GRAMD4: variants seen among roughly 807,000 people sequenced by gnomAD.
The protein encoded by GRAMD4 is GRAM domain-containing protein 4.
Under a neutral mutation model 83.9 loss-of-function variants are expected in GRAMD4, and 25 were observed. The observed-to-expected ratio is 0.30, with a 90% CI of 0.22 to 0.42. The LOEUF is 0.42. GRAMD4 is among the 10% of genes least tolerant of loss of function. The pLI, the probability that GRAMD4 is intolerant of heterozygous loss-of-function variation, is 1.00. For missense variants in GRAMD4, 593 were observed against 788.7 expected, an observed-to-expected ratio of 0.75 and a Z score of 2.97; for synonymous variants, 336 against 320.9, an observed-to-expected ratio of 1.05 and a Z score of -0.50.
Position 46,626,882 on chromosome 22 carries a change from C to G in GRAMD4, c.83C>G (p.Ser28Trp). The G allele has an allele frequency of 6.2e-7, 1 of 1,614,128 alleles. No individual in the cohort carries two copies. The highest frequency in any genetic ancestry group is 1.1e-5 in the South Asian group (1 of 91,084). ...GATCTAGCGGAGTCTCCAAATGCCT[C>G]GGACACCGAATGCAGCGACGAAATC... is the stretch of plus-strand genomic sequence containing the variant. Reference protein sequence around the residue: ...FLDLAESPNASDTECSDEIPL... With the variant: ...FLDLAESPNAWDTECSDEIPL... Residue 28 changes from serine (S) to tryptophan (W), a missense_variant, in exon 2 of 19, where the codon TCG becomes TGG. Ser to Trp is a radical substitution (Grantham distance 177). Around this residue, in one of 4 missense-constraint regions of GRAMD4, gnomAD observed 312 missense variants for 350.7 expected, o/e 0.89. Transcript: ENST00000406902.
chr22:46,638,173 C>T (rs1007242137), intron 3 of GRAMD4, among the ~76,000 whole-genome samples: 9 of 152,210 alleles, frequency 5.9e-5, no homozygotes, highest in Admixed American at 1.3e-4. Flanking sequence ...GCCTCCCTTG[C>T]GGCCCTGCTA....
intron 1 of GRAMD4, among the ~76,000 whole-genome samples, chr22:46,582,076 G>A (rs1391039964): frequency 6.6e-6 from 1 of 152,170 alleles, no homozygotes; most frequent in Non-Finnish European, 1.5e-5. Context: ...CTGGGGCTGG[G>A]TGGGGCTGGG....
intron 8 of GRAMD4, 44 bp downstream of exon 8, chr22:46,664,161 C>A: frequency 7.3e-7 from 1 of 1,377,630 alleles, no homozygotes; most frequent in Non-Finnish European, 1.0e-6. Flanking sequence ...GTGGGATGTG[C>A]CTGCCAGCAT....
chr22:46,666,869 C>T lies in GRAMD4; in HGVS notation c.854C>T (p.Pro285Leu). 1 of 1,596,140 alleles carries T rather than the reference C, an allele frequency of 6.3e-7. No homozygotes were observed. Among genetic ancestry groups the T allele is most frequent in the South Asian group, 1.1e-5 (1 of 88,718 alleles). Residue 285 changes from proline (P) to leucine (L), a missense_variant, in exon 10 of 19, where the codon CCC (proline) becomes CTC (leucine). Pro to Leu is a moderately conservative substitution (Grantham distance 98, BLOSUM62 -3). Around this residue, in one of 4 missense-constraint regions of GRAMD4, gnomAD observed 36 missense variants for 85.8 expected, o/e 0.42. Coordinates refer to ENST00000406902, the MANE Select transcript of GRAMD4 (RefSeq NM_015124.5). ...AGCATCGTGCCCGAAGTGTCTGAGC[C>T]CGTGGTAAGTCCCTGGAGGGTGCAC... ...QWSIVPEVSE[P>L]VEPPKEDLTV...
chr22:46,580,963 A>G (rs35560676), intron 1 of GRAMD4, among the ~76,000 whole-genome samples: 33,917 of 141,490 alleles, frequency 0.24, 4,875 homozygotes, highest in East Asian at 0.64. Flanking sequence ...GCGAAACTCC[A>G]TCTCAAAAAA....
chr22:46,646,463 G>C lies in GRAMD4; in HGVS notation c.283+8503G>C, dbSNP rs539246423. On this transcript the variant is annotated intron_variant, in intron 3 of 18. Coordinates refer to ENST00000406902, the MANE Select transcript of GRAMD4 (RefSeq NM_015124.5). Reference sequence around the variant, plus strand: ...TCTGAATGCTCAGTTTTAATGGAGGGGTCCTGGAGCGGAAGGGAAGTTTCT... The same window carrying C: ...TCTGAATGCTCAGTTTTAATGGAGGCGTCCTGGAGCGGAAGGGAAGTTTCT... 4.6e-4 allele frequency among the ~76,000 whole-genome samples: 70 copies of C among 152,312 alleles called. 2 individuals carry two copies. The highest frequency in any genetic ancestry group is 3.4e-3 in the Middle Eastern group (1 of 294).
At chr22:46,669,037 A>G in intron 13 of GRAMD4, 129 bp downstream of exon 13, 1 of 614,312 alleles carries the variant, frequency 1.6e-6, no homozygotes, top group Non-Finnish European at 2.9e-6. Context: ...GCTTTTTGTC[A>G]CAAATGTTTC....
rs1157435544 is a variant in GRAMD4, at chr22:46,603,242, G to C, written c.-49-23509G>C. ...TTTTTTTTTGAGACGGAGTCTCGCTGTGTTGCCCAGGCTGGATTGCAGTGG... is the reference window on the plus strand; with the variant it reads ...TTTTTTTTTGAGACGGAGTCTCGCTCTGTTGCCCAGGCTGGATTGCAGTGG... On this transcript the variant is annotated intron_variant, in intron 1 of 1. Coordinates refer to the GRAMD4 transcript ENST00000431155. Among the ~76,000 whole-genome samples, 4 of 116,488 alleles carry C rather than the reference G, an allele frequency of 3.4e-5. No homozygotes were observed. The East Asian group carries it at 1.0e-3, about 29-fold the overall frequency. The allele number at this position is 116,488 out of a possible 152,430, so 76.4% of individuals were successfully genotyped here.
At chr22:46,612,091 ACTC>A (rs2081423426) in intron 1 of GRAMD4, among the ~76,000 whole-genome samples, 1 of 126,560 alleles carries the variant, frequency 7.9e-6, no homozygotes, top group African/African-American at 2.8e-5. Flanking sequence ...GCAGCCTTGA[ACTC>A]CTGGTCTCAA....
chr22:46,680,586 C>CCACCCACCCGCCCATT, downstream of GRAMD4, among the ~76,000 whole-genome samples: 1 of 23,146 alleles, frequency 4.3e-5, no homozygotes, highest in Non-Finnish European at 8.5e-5. Flanking sequence ...ATCCATCCAT[C>CCACCCACCCGCCCATT]CATCCATCCA....
chr22:46,676,787 C>G, intron 18 of GRAMD4, 119 bp downstream of exon 18: 1 of 906,414 alleles, frequency 1.1e-6, no homozygotes, highest in Non-Finnish European at 1.7e-6. Flanking sequence ...AGCAGGGTCA[C>G]AAAGCCGCCC....
intron 1 of GRAMD4, among the ~76,000 whole-genome samples, chr22:46,580,797 G>A (rs532608005): frequency 4.6e-5 from 7 of 152,040 alleles, no homozygotes; most frequent in East Asian, 1.9e-4. Context: ...AAATCCCCAC[G>A]TCTACTAAAA....
At chr22:46,596,116 A>T (rs996089943) in intron 1 of GRAMD4, among the ~76,000 whole-genome samples, 1 of 152,256 alleles carries the variant, frequency 6.6e-6, no homozygotes, top group African/African-American at 2.4e-5. Context: ...GATCAGCACC[A>T]TGACGGGAGG....
At chr22:46,612,270 G>A (rs2081425680) in intron 1 of GRAMD4, among the ~76,000 whole-genome samples, 1 of 152,216 alleles carries the variant, frequency 6.6e-6, no homozygotes, top group Non-Finnish European at 1.5e-5. Flanking sequence ...GACTCCCAGA[G>A]TACTGGGATT....
In GRAMD4 at chr22:46,663,823, C is replaced by A; in HGVS notation, c.600-15C>A. The A allele has an allele frequency of 6.2e-7, 1 of 1,613,102 alleles. No individual in the cohort carries two copies. The highest frequency in any genetic ancestry group is 8.5e-7 in the Non-Finnish European group (1 of 1,179,808). On this transcript the variant is annotated splice_polypyrimidine_tract_variant and intron_variant, in intron 6 of 18. Coordinates refer to ENST00000406902, the MANE Select transcript of GRAMD4 (RefSeq NM_015124.5). ...GCATTAACCCTGGGCTCCCATCTCT[C>A]CCCTTCTCTCTTAGGTTAACTGAAA...
In GRAMD4 at chr22:46,677,457, C is replaced by T; in HGVS notation, c.*206C>T. 7.5e-7 allele frequency: 1 copy of T among 1,339,086 alleles called. No individual in the cohort carries two copies. Among genetic ancestry groups the T allele is most frequent in the Non-Finnish European group, 9.6e-7 (1 of 1,043,810 alleles). 83.0% of individuals were successfully genotyped at this position (1,339,086 alleles called of 1,614,324 possible). Reference sequence around the variant, plus strand: ...TCACAGGGACGGGGGTGCCCCTCTCCCACAGGGCACGTCAGGTGCCTCTGA... The same window carrying T: ...TCACAGGGACGGGGGTGCCCCTCTCTCACAGGGCACGTCAGGTGCCTCTGA... On this transcript the variant is annotated 3_prime_UTR_variant, in exon 19 of 19. Coordinates refer to ENST00000406902, the MANE Select transcript of GRAMD4 (RefSeq NM_015124.5).
At chr22:46,674,560 T>G in intron 15 of GRAMD4, 97 bp from the exon 16 acceptor site, 1 of 867,272 alleles carries the variant, frequency 1.2e-6, no homozygotes, top group Non-Finnish European at 2.0e-6. Context: ...GGTGGGCGGA[T>G]GTCAGGATCT....
intron 1 of GRAMD4, among the ~76,000 whole-genome samples, chr22:46,615,030 C>T (rs1160865187): frequency 2.2e-4 from 12 of 55,396 alleles, no homozygotes; most frequent in African/African-American, 2.2e-4. Flanking sequence ...TGGGTTCCCC[C>T]GTGTGTAGGT....
At chr22:46,611,528 C>T (rs1601555648) in intron 1 of GRAMD4, among the ~76,000 whole-genome samples, 1 of 152,120 alleles carries the variant, frequency 6.6e-6, no homozygotes, top group Non-Finnish European at 1.5e-5. Context: ...ATGCTTCTTC[C>T]TTTCAACATT....
Sources: allele counts gnomAD v4.1 joint callset (sites outside exome capture counted in the v4.1 genomes callset), GRCh38; gene constraint gnomAD v4.1.1; regional missense constraint gnomAD v4.1.1; transcripts MANE v1.5; gene names NCBI Gene and HGNC (gene_info 2026-07-23, HGNC 2026-07-21).